Variants in FRMPD4 observed in about 807,000 individuals in gnomAD.
FRMPD4 encodes FERM and PDZ domain-containing protein 4.
FRMPD4 carries 22 observed loss-of-function variants against 94.1 expected under a neutral mutation model. That is an observed-to-expected ratio of 0.23 (90% CI 0.17 to 0.33). The LOEUF (loss-of-function observed/expected upper bound fraction) is 0.33, where lower values mean the gene tolerates loss of function less well. FRMPD4 is among the 10% of genes least tolerant of loss of function. The pLI, the probability that FRMPD4 is intolerant of heterozygous loss-of-function variation, is 1.00. For synonymous variants in FRMPD4, 631 were observed against 548.6 expected (o/e 1.15, Z -2.10); for missense variants, 1,111 against 1,339.9 (o/e 0.83, Z 2.67).
intron 3 of FRMPD4, among the ~76,000 whole-genome samples, chrX:12,008,253 G>T (rs770831494): frequency 1.8e-5 from 2 of 111,766 alleles, no homozygotes; most frequent in Non-Finnish European, 3.8e-5. Context: ...GAGCAGAGAG[G>T]ATACTTGGCC....
chrX:12,116,691 T>C (rs1273776012), intron 3 of FRMPD4, among the ~76,000 whole-genome samples: 1 of 112,010 alleles, frequency 8.9e-6, no homozygotes, highest in Non-Finnish European at 1.9e-5. Flanking sequence ...GAAAGATTGC[T>C]ACAGGGCATT....
intron 2 of FRMPD4, among the ~76,000 whole-genome samples, chrX:12,568,395 T>C (rs750048852): frequency 8.9e-6 from 1 of 112,446 alleles, no homozygotes; most frequent in South Asian, 3.7e-4. Context: ...AAAAGGCCAA[T>C]TGATAAAATA....
chrX:11,970,269 T>C (rs1432711225), intron 3 of FRMPD4, among the ~76,000 whole-genome samples: 1 of 112,314 alleles, frequency 8.9e-6, no homozygotes, highest in Non-Finnish European at 1.9e-5. Context: ...CATTTGTCTC[T>C]TCCTGGGGTC....
At chrX:12,341,019 A>G (rs2055604884) in intron 1 of FRMPD4, among the ~76,000 whole-genome samples, 1 of 111,438 alleles carries the variant, frequency 9.0e-6, no homozygotes, top group South Asian at 3.8e-4. Flanking sequence ...TACAAACTTC[A>G]CTTTATTTAT....
At chrX:12,366,772 A>G (rs1247630270) in intron 1 of FRMPD4, among the ~76,000 whole-genome samples, 1 of 112,009 alleles carries the variant, frequency 8.9e-6, no homozygotes, top group Non-Finnish European at 1.9e-5. Flanking sequence ...ATTGAAATAA[A>G]TCTGCATGGG....
At chrX:12,104,810 G>A (rs186876905) in intron 3 of FRMPD4, among the ~76,000 whole-genome samples, 2 of 111,459 alleles carry the variant, frequency 1.8e-5, no homozygotes, top group African/African-American at 6.5e-5. Flanking sequence ...AAGTAAACAG[G>A]GCTTCTAAAG....
intron 1 of FRMPD4, among the ~76,000 whole-genome samples, chrX:12,139,561 G>T (rs1359455282): frequency 1.8e-4 from 19 of 104,424 alleles, no homozygotes; most frequent in Admixed American, 9.0e-4. Flanking sequence ...TGGGGGGGGG[G>T]TAACTATATT....
intron 2 of FRMPD4, among the ~76,000 whole-genome samples, chrX:12,521,979 G>T (rs776263949): frequency 9.0e-6 from 1 of 111,249 alleles, no homozygotes; most frequent in Non-Finnish European, 1.9e-5. Flanking sequence ...GGAGGGCAAT[G>T]ATATGTTTTA....
intron 3 of FRMPD4, among the ~76,000 whole-genome samples, chrX:11,890,667 T>C (rs899048646): frequency 8.9e-6 from 1 of 112,207 alleles, no homozygotes; most frequent in Non-Finnish European, 1.9e-5. Context: ...AGACAGGTGG[T>C]TAAATAATTT....
chrX:12,155,001 A>G (rs1372675369), intron 1 of FRMPD4, among the ~76,000 whole-genome samples: 1 of 111,919 alleles, frequency 8.9e-6, no homozygotes, highest in Non-Finnish European at 1.9e-5. Context: ...TCCTGGAGGG[A>G]CATCTTTTCT....
intron 1 of FRMPD4, among the ~76,000 whole-genome samples, chrX:12,245,533 T>TTC (rs1491170928): frequency 2.9e-3 from 258 of 89,776 alleles, no homozygotes; most frequent in Middle Eastern, 5.7e-3. Flanking sequence ...TTTTTTTTTT[T>TTC]CAAGGAGTTC....
chrX:11,920,654 C>G (rs2054050021), intron 3 of FRMPD4, among the ~76,000 whole-genome samples: 1 of 112,218 alleles, frequency 8.9e-6, no homozygotes, highest in African/African-American at 3.2e-5. Flanking sequence ...CACAGCAACC[C>G]TGGGAAGCAA....
chrX:12,648,240 C>T (rs1263591179), intron 4 of FRMPD4, among the ~76,000 whole-genome samples: 1 of 111,829 alleles, frequency 8.9e-6, no homozygotes, highest in Non-Finnish European at 1.9e-5. Flanking sequence ...GTAGACTTCT[C>T]TCACCCAAAA....
chrX:12,713,502 GAGAC>G (rs1399140610), intron 14 of FRMPD4, among the ~76,000 whole-genome samples: 2 of 102,940 alleles, frequency 1.9e-5, no homozygotes, highest in African/African-American at 3.6e-5. Context: ...GAGAGAGAGA[GAGAC>G]AGAGAGAGAG....
At chrX:12,525,366 T>C (rs1186527189) in intron 2 of FRMPD4, among the ~76,000 whole-genome samples, 1 of 111,492 alleles carries the variant, frequency 9.0e-6, no homozygotes, top group Non-Finnish European at 1.9e-5. Context: ...TACCAAATTA[T>C]AAACATGGCC....
intron 5 of FRMPD4, among the ~76,000 whole-genome samples, chrX:12,679,244 C>G (rs761471877): frequency 1.2e-4 from 13 of 112,285 alleles, no homozygotes; most frequent in African/African-American, 2.6e-4. Flanking sequence ...TTTGTGTTCT[C>G]TTACATGGTG....
chrX:12,487,349 A>G (rs141258089), intron 1 of FRMPD4, among the ~76,000 whole-genome samples: 123 of 112,546 alleles, frequency 1.1e-3, no homozygotes, highest in African/African-American at 3.6e-3. Context: ...TGTATGAACA[A>G]AACAAAAATA....
At chrX:12,297,448 T>C (rs4526552) in intron 1 of FRMPD4, among the ~76,000 whole-genome samples, 15,594 of 111,324 alleles carry the variant, frequency 0.14, 1,004 homozygotes, top group African/African-American at 0.22. Context: ...AACAGAATTA[T>C]GGTAAAAAAC....
chrX:12,057,220 C>T (rs1172683736), intron 3 of FRMPD4, among the ~76,000 whole-genome samples: 1 of 111,667 alleles, frequency 9.0e-6, no homozygotes, highest in East Asian at 2.8e-4. Context: ...TCATCAGCAT[C>T]ACTGAAAAGA....
Sources: allele counts gnomAD v4.1 joint callset (sites outside exome capture counted in the v4.1 genomes callset), GRCh38; gene constraint gnomAD v4.1.1; transcripts MANE v1.5; gene names NCBI Gene and HGNC (gene_info 2026-07-23, HGNC 2026-07-21).